Variants in RBM27 observed in about 807,000 individuals in gnomAD.
RBM27 encodes RNA-binding protein 27.
In RBM27, 22 loss-of-function variants were observed where a neutral mutation model predicts 135.3. That is an observed-to-expected ratio of 0.16 (90% CI 0.12 to 0.23). The LOEUF (loss-of-function observed/expected upper bound fraction) is 0.23. Ranked by LOEUF, RBM27 falls within the 10% of genes least tolerant of loss-of-function variation. The pLI is 1.00. For synonymous variants in RBM27, 481 were observed against 442.4 expected, an observed-to-expected ratio of 1.09 and a Z score of -1.10; for missense variants, 1,009 against 1,281.0, an observed-to-expected ratio of 0.79 and a Z score of 3.24.
intron 10 of RBM27, among the ~76,000 whole-genome samples, chr5:146,258,098 C>T (rs1179088851): frequency 1.3e-5 from 2 of 152,154 alleles, no homozygotes; most frequent in East Asian, 1.9e-4. Flanking sequence ...GAATTACAGG[C>T]GTGAGCCACC....
chr5:146,282,674 A>T (rs1466868531), intron 19 of RBM27, among the ~76,000 whole-genome samples: 1 of 152,218 alleles, frequency 6.6e-6, no homozygotes, highest in Non-Finnish European at 1.5e-5. Flanking sequence ...ACACTATTTT[A>T]TGTAAATGAC....
intron 3 of RBM27, among the ~76,000 whole-genome samples, chr5:146,226,809 C>T (rs1393358200): frequency 1.3e-5 from 2 of 151,256 alleles, no homozygotes; most frequent in Admixed American, 6.6e-5. Flanking sequence ...TAGAGCTACC[C>T]CCAACTGACA....
chr5:146,222,362 A>T lies in RBM27; in HGVS notation c.179-1041A>T, dbSNP rs552344554. ...CTCTTTAGCTGTTCCTTAGGGTAGG[A>T]CCAATCAAAGTTATTTAGATTTGGT... is the stretch of plus-strand genomic sequence containing the variant. On this transcript the variant is annotated intron_variant, in intron 2 of 20. Transcript: ENST00000265271. 2.0e-5 allele frequency among the ~76,000 whole-genome samples: 3 copies of T among 152,348 alleles called. No homozygotes were observed. In the East Asian group the frequency reaches 5.8e-4, roughly 29 times the overall value.
At chr5:146,252,109 C>T (rs923502948) in intron 9 of RBM27, among the ~76,000 whole-genome samples, 20 of 152,018 alleles carry the variant, frequency 1.3e-4, no homozygotes, top group African/African-American at 4.1e-4. Context: ...TTCAGTGCCT[C>T]GGTAACAAAG....
chr5:146,241,149 A>T (rs1226431989), intron 8 of RBM27, among the ~76,000 whole-genome samples: 4 of 147,138 alleles, frequency 2.7e-5, no homozygotes, highest in African/African-American at 1.1e-4. Context: ...TAAAAATTCC[A>T]TCTTGTTTTT....
At position 146,203,833 on chromosome 5, in the gene RBM27, G is replaced by A; in HGVS notation, c.59+9G>A. 1 of 1,546,232 alleles carries A rather than the reference G, an allele frequency of 6.5e-7. No homozygotes were observed. Among genetic ancestry groups the A allele is most frequent in the Middle Eastern group, 1.9e-4 (1 of 5,312 alleles). On this transcript the variant is annotated intron_variant, in intron 1 of 20. Coordinates refer to ENST00000265271, the MANE Select transcript of RBM27 (RefSeq NM_018989.2). ...AAGTTACTGGAGCCGATGTGAGTGA[G>A]CCGGGCTGGGCCGGGGCCGGCGAAC...
chr5:146,214,345 A>G (rs1756101043), intron 1 of RBM27, among the ~76,000 whole-genome samples: 1 of 152,206 alleles, frequency 6.6e-6, no homozygotes. Flanking sequence ...TCAAGCAGTA[A>G]TGGATTCCCA....
chr5:146,263,793 A>T (rs1221390066), intron 14 of RBM27, among the ~76,000 whole-genome samples, 162 bp downstream of exon 14: 2 of 152,164 alleles, frequency 1.3e-5, no homozygotes, highest in South Asian at 2.1e-4. Context: ...TTGCTGGTGA[A>T]ATTTTTTTCC....
chr5:146,270,645 C>G (rs561499117), intron 17 of RBM27, among the ~76,000 whole-genome samples: 1 of 152,076 alleles, frequency 6.6e-6, no homozygotes, highest in East Asian at 1.9e-4. Context: ...TTATTTTGCT[C>G]CATTGTGTTT....
In RBM27 at chr5:146,229,755, A is replaced by G; in HGVS notation, c.434A>G (p.Asp145Gly). ...AAAAGAGAAGACGGGAAATGGAGAG[A>G]CTATGACCGGTACTATGAGCGGAAT... ...EKKREDGKWR[D>G]YDRYYERNEL... The change falls in exon 5 of 21, where the codon GAC becomes GGC. Residue 145 changes from aspartate to glycine, a missense_variant. This residue lies in a region of RBM27 where 268 missense variants were observed against 326.6 expected (regional missense o/e 0.82). Transcript: ENST00000265271. The G allele has an allele frequency of 6.2e-7, 1 of 1,612,094 alleles. No homozygotes were observed. The highest frequency in any genetic ancestry group is 8.5e-7 in the Non-Finnish European group (1 of 1,178,556).
At chr5:146,230,046 C>T in intron 5 of RBM27, 136 bp downstream of exon 5, 1 of 1,011,382 alleles carries the variant, frequency 9.9e-7, no homozygotes, top group Non-Finnish European at 1.4e-6. Context: ...TCAAGAAGCT[C>T]AATATCCATT....
intron 1 of RBM27, among the ~76,000 whole-genome samples, chr5:146,206,073 A>G (rs1347424243): frequency 6.6e-6 from 1 of 152,194 alleles, no homozygotes; most frequent in Non-Finnish European, 1.5e-5. Flanking sequence ...TTAAAAAAGA[A>G]AAAATACATC....
rs1263584127 is a variant in RBM27 at position 146,204,002 on chromosome 5, G to A, written c.59+178G>A. Reference sequence around the variant, plus strand: ...GTGGGGGTGAGGGTGGGAGAGGAGCGCTGGGGACGGAGAGGCGCCGTGAAT... The same window carrying A: ...GTGGGGGTGAGGGTGGGAGAGGAGCACTGGGGACGGAGAGGCGCCGTGAAT... On this transcript the variant is annotated intron_variant, in intron 1 of 20. Transcript: ENST00000265271. 4.6e-5 allele frequency among the ~76,000 whole-genome samples: 7 copies of A among 152,068 alleles called. No homozygotes were observed. In the East Asian group the frequency reaches 1.4e-3, roughly 30 times the overall value.
At position 146,223,309 on chromosome 5, in the gene RBM27, A is replaced by G. The variant is rs568001108; in HGVS notation, c.179-94A>G. On this transcript the variant is annotated intron_variant, in intron 2 of 20. Transcript: ENST00000265271. ...ATTTTTAGTCCTACTAGCAGTGTAC[A>G]AGATGTCCTGTTTTCCTGAGCTTTG... 2.2e-4 allele frequency: 264 copies of G among 1,203,482 alleles called. No individual in the cohort carries two copies. In the African/African-American group the frequency reaches 3.4e-3, roughly 15 times the overall value. 74.6% of individuals were successfully genotyped at this position (1,203,482 alleles called of 1,614,324 possible).
At chr5:146,284,767 G>C (rs745381349) in intron 20 of RBM27, 35 bp downstream of exon 20, 3 of 1,247,660 alleles carry the variant, frequency 2.4e-6, no homozygotes, top group East Asian at 4.7e-5. Flanking sequence ...AGTTGAATTA[G>C]ATCACTTCTC....
chr5:146,242,971 A>G (rs1210358158), intron 8 of RBM27, among the ~76,000 whole-genome samples: 5 of 152,102 alleles, frequency 3.3e-5, no homozygotes, highest in African/African-American at 1.2e-4. Flanking sequence ...AGTTGATTTT[A>G]AGATAGCTTT....
chr5:146,270,065 A>G (rs2126881431), intron 17 of RBM27, among the ~76,000 whole-genome samples: 1 of 152,310 alleles, frequency 6.6e-6, no homozygotes, highest in Admixed American at 6.5e-5. Context: ...TAATGCTGTA[A>G]TAGTATTGTA....
At chr5:146,219,967 A>G (rs1354124300) in intron 2 of RBM27, among the ~76,000 whole-genome samples, 3 of 151,996 alleles carry the variant, frequency 2.0e-5, no homozygotes, top group African/African-American at 7.2e-5. Context: ...TCTTGCCTCA[A>G]GCAACTGCCC....
chr5:146,220,850 G>T (rs1159547587), intron 2 of RBM27, among the ~76,000 whole-genome samples: 3 of 152,104 alleles, frequency 2.0e-5, no homozygotes, highest in Non-Finnish European at 4.4e-5. Context: ...CATGACAAAA[G>T]AGAAAGCAAA....
Sources: allele counts gnomAD v4.1 joint callset (sites outside exome capture counted in the v4.1 genomes callset), GRCh38; gene constraint gnomAD v4.1.1; regional missense constraint gnomAD v4.1.1; transcripts MANE v1.5; gene names NCBI Gene and HGNC (gene_info 2026-07-23, HGNC 2026-07-21).